Variants in ZMAT4 observed in about 807,000 individuals in gnomAD.
The protein encoded by ZMAT4 is zinc finger matrin-type protein 4.
A neutral mutation model predicts 28.7 loss-of-function variants in ZMAT4; 17 were observed. That is an observed-to-expected ratio of 0.59 (90% confidence interval 0.41 to 0.89). The LOEUF (loss-of-function observed/expected upper bound fraction) is 0.89. Among genes scored for constraint, ZMAT4 ranks in the 40% least tolerant of loss-of-function variants. The pLI is 0.00. For missense variants in ZMAT4, 240 were observed against 283.8 expected (o/e 0.85, Z 1.11); for synonymous variants, 117 against 109.2 (o/e 1.07, Z -0.44).
intron 5 of ZMAT4, among the ~76,000 whole-genome samples, chr8:40,627,240 A>C (rs1806410830): frequency 6.6e-6 from 1 of 152,188 alleles, no homozygotes; most frequent in African/African-American, 2.4e-5. Flanking sequence ...AGAGGCTGAG[A>C]TTTTCAAGGG....
At chr8:40,572,855 T>C (rs1804141895) in intron 6 of ZMAT4, among the ~76,000 whole-genome samples, 1 of 152,182 alleles carries the variant, frequency 6.6e-6, no homozygotes, top group Admixed American at 6.5e-5. Context: ...GTCTGGTTAC[T>C]ACCAGCAAAG....
At chr8:40,737,663 G>C (rs1402032856) in intron 3 of ZMAT4, among the ~76,000 whole-genome samples, 1 of 152,158 alleles carries the variant, frequency 6.6e-6, no homozygotes, top group Admixed American at 6.5e-5. Flanking sequence ...AATGAGATGA[G>C]AAGCCTGCGT....
chr8:40,678,181 T>C (rs1211510019), intron 4 of ZMAT4, among the ~76,000 whole-genome samples: 4 of 152,184 alleles, frequency 2.6e-5, no homozygotes, highest in Non-Finnish European at 5.9e-5. Flanking sequence ...AGAAGCATAA[T>C]ACATCCAACA....
At chr8:40,751,926 A>T (rs1472101635) in intron 3 of ZMAT4, among the ~76,000 whole-genome samples, 1 of 152,188 alleles carries the variant, frequency 6.6e-6, no homozygotes, top group Non-Finnish European at 1.5e-5. Context: ...GCAAAGATGT[A>T]TAAGGGAAGA....
chr8:40,550,316 G>A (rs1211960372), intron 6 of ZMAT4, among the ~76,000 whole-genome samples: 1 of 152,096 alleles, frequency 6.6e-6, no homozygotes, highest in African/African-American at 2.4e-5. Context: ...TTCCACTAAG[G>A]CTTAGAATAG....
chr8:40,643,670 G>A (rs1410979321), intron 5 of ZMAT4, among the ~76,000 whole-genome samples: 1 of 151,882 alleles, frequency 6.6e-6, no homozygotes, highest in Non-Finnish European at 1.5e-5. Flanking sequence ...GAGGAAGCGA[G>A]CCCAGCCTGG....
chr8:40,727,377 A>G (rs1430154773), intron 3 of ZMAT4, among the ~76,000 whole-genome samples: 1 of 152,216 alleles, frequency 6.6e-6, no homozygotes, highest in Non-Finnish European at 1.5e-5. Context: ...TGGCTTCTGC[A>G]TTTCAGTAGC....
intron 1 of ZMAT4, among the ~76,000 whole-genome samples, chr8:40,867,754 C>G (rs1189765739): frequency 6.6e-6 from 1 of 152,064 alleles, no homozygotes; most frequent in Non-Finnish European, 1.5e-5. Flanking sequence ...GATTCCATTC[C>G]TCTTCTGCAA....
intron 3 of ZMAT4, among the ~76,000 whole-genome samples, chr8:40,699,596 GCACACA>G (rs10681965): frequency 1.1e-4 from 17 of 149,640 alleles, no homozygotes; most frequent in Non-Finnish European, 1.9e-4. Context: ...AAATGTAAAT[GCACACA>G]CACACACACA....
chr8:40,708,163 T>C (rs1180266947), intron 3 of ZMAT4, among the ~76,000 whole-genome samples: 1 of 152,016 alleles, frequency 6.6e-6, no homozygotes, highest in African/African-American at 2.4e-5. Context: ...TGCAGGGAAA[T>C]AGAGTGAGGC....
chr8:40,624,871 T>C (rs1227517225), intron 5 of ZMAT4, among the ~76,000 whole-genome samples: 1 of 152,102 alleles, frequency 6.6e-6, no homozygotes, highest in Non-Finnish European at 1.5e-5. Context: ...TTAAAGACAA[T>C]GGACAGAGTT....
At chr8:40,773,896 C>A (rs1001709131) in intron 2 of ZMAT4, among the ~76,000 whole-genome samples, 1 of 151,466 alleles carries the variant, frequency 6.6e-6, no homozygotes, top group African/African-American at 2.4e-5. Context: ...AAAAACAGAA[C>A]AAATATAATA....
At chr8:40,876,703 T>C (rs1490074204) in intron 1 of ZMAT4, among the ~76,000 whole-genome samples, 1 of 152,246 alleles carries the variant, frequency 6.6e-6, no homozygotes, top group Admixed American at 6.5e-5. Context: ...ATACAAAATA[T>C]GTGTGATTTG....
At chr8:40,697,195 C>T (rs745316251) in intron 4 of ZMAT4, 50 bp downstream of exon 4, 1 of 1,516,288 alleles carries the variant, frequency 6.6e-7, no homozygotes, top group Non-Finnish European at 8.9e-7. Context: ...GCAAGACAGG[C>T]CAGCACTTGG....
chr8:40,784,176 C>T (rs1813964966), intron 2 of ZMAT4, among the ~76,000 whole-genome samples: 1 of 152,042 alleles, frequency 6.6e-6, no homozygotes, highest in East Asian at 1.9e-4. Flanking sequence ...GATGCCAAAA[C>T]CCTTAAGTAA....
At chr8:40,838,995 A>G (rs1454979462) in intron 1 of ZMAT4, among the ~76,000 whole-genome samples, 4 of 152,318 alleles carry the variant, frequency 2.6e-5, no homozygotes, top group African/African-American at 7.2e-5. Flanking sequence ...ACACCCTGGA[A>G]AGTGATGAAA....
At chr8:40,616,144 C>G (rs991222548) in intron 5 of ZMAT4, among the ~76,000 whole-genome samples, 1 of 152,212 alleles carries the variant, frequency 6.6e-6, no homozygotes, top group Non-Finnish European at 1.5e-5. Flanking sequence ...AAATGCTCAT[C>G]ATCACTGGCC....
chr8:40,578,254 T>G (rs1804334014), intron 6 of ZMAT4, among the ~76,000 whole-genome samples: 1 of 152,082 alleles, frequency 6.6e-6, no homozygotes, highest in South Asian at 2.1e-4. Context: ...TTACAAAAAA[T>G]GTCTATGATG....
At chr8:40,778,081 A>T (rs1056047371) in intron 2 of ZMAT4, among the ~76,000 whole-genome samples, 3 of 152,208 alleles carry the variant, frequency 2.0e-5, no homozygotes, top group Non-Finnish European at 4.4e-5. Context: ...AGTAAACACA[A>T]CTTAAACAAA....
Sources: gnomAD v4.1 joint callset for allele counts (sites outside exome capture counted in the v4.1 genomes callset) on GRCh38, gnomAD v4.1.1 for gene constraint, MANE v1.5 for transcripts, NCBI Gene and HGNC (gene_info 2026-07-23, HGNC 2026-07-21) for gene names.